GALNT18: variants seen among roughly 807,000 people sequenced by gnomAD.
GALNT18 encodes the protein polypeptide N-acetylgalactosaminyltransferase 18.
A neutral mutation model predicts 69.5 loss-of-function variants in GALNT18; 44 were observed. The observed-to-expected ratio is 0.63, with a 90% CI of 0.50 to 0.81. The LOEUF (loss-of-function observed/expected upper bound fraction) is 0.81. Among genes scored for constraint, GALNT18 ranks in the 40% least tolerant of loss-of-function variants. The pLI, the probability that GALNT18 is intolerant of heterozygous loss-of-function variation, is 0.00. For missense variants in GALNT18, 715 were observed against 810.0 expected, an observed-to-expected ratio of 0.88 and a Z score of 1.42; for synonymous variants, 364 against 318.2, an observed-to-expected ratio of 1.14 and a Z score of -1.53.
At chr11:11,417,253 C>G (rs1564937823) in intron 3 of GALNT18, among the ~76,000 whole-genome samples, 2 of 152,190 alleles carry the variant, frequency 1.3e-5, no homozygotes, top group Non-Finnish European at 2.9e-5. Context: ...CGATGATGCC[C>G]TCAAATTGTG....
rs970513717 is a variant in GALNT18, at chr11:11,337,053, T to C, written c.1278+3766A>G. On this transcript the variant is annotated intron_variant, in intron 7 of 10. Transcript: ENST00000227756. The surrounding 1 kb of genome is among the most constrained non-coding windows in gnomAD (Gnocchi z 4.9). The stretch of plus-strand genomic sequence containing the variant: ...ATGAGAAGGACTAGCTAAATGGGTG[T>C]TACACAAACCTGGCCACCCTAAACT... Among the ~76,000 whole-genome samples, 4 of 152,150 alleles carry C rather than the reference T, an allele frequency of 2.6e-5. No homozygotes were observed. The highest frequency in any genetic ancestry group is 9.7e-5 in the African/African-American group (4 of 41,418).
rs757977874 is a variant in GALNT18, at chr11:11,587,413, C to T, written c.235+33946G>A. ...AAAGCAGGCTTCCCTTCAAGGAATCCGTTACACACCAAATCAGTGAAGACT... is the reference window on the plus strand; with the variant it reads ...AAAGCAGGCTTCCCTTCAAGGAATCTGTTACACACCAAATCAGTGAAGACT... On this transcript the variant is annotated intron_variant, in intron 1 of 10. Coordinates refer to ENST00000227756, the MANE Select transcript of GALNT18 (RefSeq NM_198516.3). This position sits in a 1 kb window ranked among gnomAD's most constrained non-coding sequence, Gnocchi z 4.4. Among the ~76,000 whole-genome samples, 1 of 152,166 alleles carries T rather than the reference C, an allele frequency of 6.6e-6. No homozygotes were observed. The highest frequency in any genetic ancestry group is 6.5e-5 in the Admixed American group (1 of 15,280).
chr11:11,508,723 G>C (rs1857115734), intron 1 of GALNT18, among the ~76,000 whole-genome samples: 1 of 152,142 alleles, frequency 6.6e-6, no homozygotes, highest in African/African-American at 2.4e-5. Context: ...TGAAGCCTTT[G>C]GCACTTTTTT....
intron 3 of GALNT18, among the ~76,000 whole-genome samples, chr11:11,399,816 G>A (rs1452300312): frequency 1.3e-5 from 2 of 152,210 alleles, no homozygotes; most frequent in East Asian, 3.8e-4. Context: ...GGCAGGTACT[G>A]AATACTCAAT....
intron 1 of GALNT18, among the ~76,000 whole-genome samples, chr11:11,527,935 T>C (rs1313606046): frequency 6.6e-6 from 1 of 152,234 alleles, no homozygotes; most frequent in Non-Finnish European, 1.5e-5. Context: ...GGCTGGCAGC[T>C]GGATATTTGC....
Position 11,337,524 on chromosome 11 carries a change from G to A in GALNT18, c.1278+3295C>T, listed in dbSNP as rs534618950. ...CAGATTTGAAAGCCACTGTTCTAAT[G>A]AGAGGGAGACTTTTAGATAACAGAA... is the stretch of plus-strand genomic sequence containing the variant. On this transcript the variant is annotated intron_variant, in intron 7 of 10. Coordinates refer to ENST00000227756, the MANE Select transcript of GALNT18 (RefSeq NM_198516.3). This position sits in a 1 kb window ranked among gnomAD's most constrained non-coding sequence, Gnocchi z 4.9. Among the ~76,000 whole-genome samples, 284 of 152,264 alleles carry A rather than the reference G, an allele frequency of 1.9e-3. No individual in the cohort carries two copies. The highest frequency in any genetic ancestry group is 6.8e-3 in the African/African-American group (281 of 41,556).
Position 11,496,744 on chromosome 11 carries a change from T to G in GALNT18, c.236-47808A>C, listed in dbSNP as rs945428426. Among the ~76,000 whole-genome samples the G allele has an allele frequency of 6.6e-6, 1 of 150,700 alleles. No individual in the cohort carries two copies. The highest frequency in any genetic ancestry group is 1.5e-5 in the Non-Finnish European group (1 of 67,774). On this transcript the variant is annotated intron_variant, in intron 1 of 10. Transcript: ENST00000227756. The surrounding 1 kb of genome is among the most constrained non-coding windows in gnomAD (Gnocchi z 4.0). ...CCCCACTACTCTGAATCCACCCACC[T>G]GGCTGCTTCTGCTATCCCCACTGCA...
intron 3 of GALNT18, among the ~76,000 whole-genome samples, chr11:11,399,321 T>C (rs1276418913): frequency 5.3e-5 from 8 of 152,140 alleles, no homozygotes; most frequent in South Asian, 4.2e-4. Context: ...ACCCAGTCTA[T>C]TGAAGTTTGT....
At chr11:11,561,781 C>T (rs1241898673) in intron 1 of GALNT18, among the ~76,000 whole-genome samples, 1 of 152,166 alleles carries the variant, frequency 6.6e-6, no homozygotes, top group East Asian at 1.9e-4. Context: ...GGGAGTGGCC[C>T]ATTGGGCAGA....
intron 10 of GALNT18, among the ~76,000 whole-genome samples, chr11:11,271,814 G>C (rs1177680613): frequency 6.6e-6 from 1 of 152,182 alleles, no homozygotes; most frequent in African/African-American, 2.4e-5. Context: ...TGACATGCAT[G>C]ATTTTTCCCC....
intron 1 of GALNT18, among the ~76,000 whole-genome samples, chr11:11,525,493 A>G (rs1472956305): frequency 5.3e-5 from 8 of 152,146 alleles, no homozygotes; most frequent in Admixed American, 5.2e-4. Context: ...TGAGGTTGAG[A>G]CAGGGAAGAA....
intron 1 of GALNT18, among the ~76,000 whole-genome samples, chr11:11,599,891 CT>C (rs1224842313): frequency 6.6e-6 from 1 of 151,910 alleles, no homozygotes; most frequent in Non-Finnish European, 1.5e-5. Context: ...ACATACTTAT[CT>C]TTTTTGTGAT....
At chr11:11,350,780 A>G (rs973604214) in intron 6 of GALNT18, among the ~76,000 whole-genome samples, 3 of 152,200 alleles carry the variant, frequency 2.0e-5, no homozygotes, top group African/African-American at 7.2e-5. Flanking sequence ...AGCCAGGGTG[A>G]ACTTGAAGTT....
Position 11,389,006 on chromosome 11 carries a change from AAC to A in GALNT18, c.596-9744_596-9743del, listed in dbSNP as rs1212503646. On this transcript the variant is annotated intron_variant, in intron 3 of 10. Transcript: ENST00000227756. The surrounding 1 kb of genome is among the most constrained non-coding windows in gnomAD (Gnocchi z 4.3). ...ACTATTTCTGTTCCATAGATGAGGA[AAC>A]ACAGCCCAGAGAGGCTAAAGGATTT... Among the ~76,000 whole-genome samples the A allele has an allele frequency of 1.3e-5, 2 of 152,214 alleles. No individual in the cohort carries two copies. The highest frequency in any genetic ancestry group is 2.9e-5 in the Non-Finnish European group (2 of 68,042).
Position 11,592,546 on chromosome 11 carries a change from G to A in GALNT18, c.235+28813C>T, listed in dbSNP as rs1022006032. Among the ~76,000 whole-genome samples, 2 of 152,058 alleles carry A rather than the reference G, an allele frequency of 1.3e-5. No homozygotes were observed. The highest frequency in any genetic ancestry group is 2.4e-5 in the African/African-American group (1 of 41,404). On this transcript the variant is annotated intron_variant, in intron 1 of 10. Coordinates refer to ENST00000227756, the MANE Select transcript of GALNT18 (RefSeq NM_198516.3). The surrounding 1 kb of genome is among the most constrained non-coding windows in gnomAD (Gnocchi z 5.9). ...CACCTTACCCCCACACACAGCACAC[G>A]CCCTGGGTCTGGCACAAGCTCAAAA...
intron 6 of GALNT18, among the ~76,000 whole-genome samples, chr11:11,348,417 A>T (rs192536690): frequency 2.8e-4 from 42 of 151,986 alleles, no homozygotes; most frequent in African/African-American, 9.2e-4. Context: ...AGAGAGGTCA[A>T]ATCTGGACAA....
In GALNT18 at chr11:11,388,611, G is replaced by T. The variant is rs928337305; in HGVS notation, c.596-9347C>A. The stretch of plus-strand genomic sequence containing the variant: ...AGCCTGACGCCACTGAGTCTGAGTT[G>T]GGAAGAGATGTGCAGAGTTGGGTGA... On this transcript the variant is annotated intron_variant, in intron 3 of 10. Coordinates refer to ENST00000227756, the MANE Select transcript of GALNT18 (RefSeq NM_198516.3). 3.3e-5 allele frequency among the ~76,000 whole-genome samples: 5 copies of T among 152,188 alleles called. 1 individual carries two copies. The East Asian group carries it at 9.6e-4, about 29-fold the overall frequency.
In GALNT18 at chr11:11,598,247, A is replaced by C. The variant is rs898344129; in HGVS notation, c.235+23112T>G. ...TAACAAATTATAACTGTAATCTATAACAAATTATTATAAACCCAATGGCTT... is the reference window on the plus strand; with the variant it reads ...TAACAAATTATAACTGTAATCTATACCAAATTATTATAAACCCAATGGCTT... On this transcript the variant is annotated intron_variant, in intron 1 of 10. Transcript: ENST00000227756. The surrounding 1 kb of genome is among the most constrained non-coding windows in gnomAD (Gnocchi z 4.8). Among the ~76,000 whole-genome samples the C allele has an allele frequency of 6.6e-6, 1 of 151,472 alleles. No individual in the cohort carries two copies. Among genetic ancestry groups the C allele is most frequent in the East Asian group, 1.9e-4 (1 of 5,202 alleles).
At chr11:11,556,681 G>T (rs1005472514) in intron 1 of GALNT18, among the ~76,000 whole-genome samples, 1 of 152,214 alleles carries the variant, frequency 6.6e-6, no homozygotes, top group Non-Finnish European at 1.5e-5. Context: ...AGGAAAGCAG[G>T]ATACAGCGCT....
Sources: gnomAD v4.1 joint callset for allele counts (sites outside exome capture counted in the v4.1 genomes callset) on GRCh38, gnomAD v4.1.1 for gene constraint, Gnocchi (gnomAD v3.1) non-coding constraint, MANE v1.5 for transcripts, NCBI Gene and HGNC (gene_info 2026-07-23, HGNC 2026-07-21) for gene names.